Variants in CD28 observed in about 807,000 individuals in gnomAD.
The protein encoded by CD28 is T-cell-specific surface glycoprotein CD28.
In CD28, 8 loss-of-function variants were observed where a neutral mutation model predicts 21.4. The observed-to-expected ratio is 0.37, with a 90% CI of 0.22 to 0.68. The LOEUF is 0.68. CD28 is among the 30% of genes least tolerant of loss of function. The probability of loss-of-function intolerance (pLI) is 0.55; values close to 1 mark genes in which losing one functional copy is unlikely to be tolerated. For missense variants in CD28, 239 were observed against 272.2 expected (o/e 0.88, Z 0.86); for synonymous variants, 106 against 104.0 (o/e 1.02, Z -0.12).
At chr2:203,730,822 G>C (rs1463986474) in intron 3 of CD28, among the ~76,000 whole-genome samples, 2 of 152,158 alleles carry the variant, frequency 1.3e-5, no homozygotes, top group Non-Finnish European at 2.9e-5. Flanking sequence ...GGCATAATCT[G>C]TATATGTACC....
Position 203,735,707 on chromosome 2 carries a change from T to C in CD28, c.*795T>C, listed in dbSNP as rs1018921466. On this transcript the variant is annotated 3_prime_UTR_variant, in exon 4 of 4. Transcript: ENST00000324106. The stretch of plus-strand genomic sequence containing the variant: ...AATATGTCAGGAAATAAGGTCACTT[T>C]ATGTCAAAATTATTTGAGTACTATG... The C allele has an allele frequency of 6.6e-6, 1 of 152,238 alleles. No individual in the cohort carries two copies. Among genetic ancestry groups the C allele is most frequent in the Non-Finnish European group, 1.5e-5 (1 of 68,050 alleles). The allele number at this position is 152,238 out of a possible 1,614,324, so 9.4% of individuals were successfully genotyped here.
At position 203,735,515 on chromosome 2, in the gene CD28, A is replaced by G. The variant is rs1581521745; in HGVS notation, c.*603A>G. 6.5e-6 allele frequency: 1 copy of G among 152,702 alleles called. No individual in the cohort carries two copies. Among genetic ancestry groups the G allele is most frequent in the African/African-American group, 2.4e-5 (1 of 41,426 alleles). 9.5% of individuals were successfully genotyped at this position (152,702 alleles called of 1,614,324 possible). A position where few individuals can be genotyped will look rare whatever the true frequency, so the allele number is the denominator to read the frequency against. On this transcript the variant is annotated 3_prime_UTR_variant, in exon 4 of 4. Transcript: ENST00000324106. Reference sequence around the variant, plus strand: ...ACATTGTCTTTTATGAATTCTGATCATATTTAGTCATTTTGACCAAATGAG... The same window carrying G: ...ACATTGTCTTTTATGAATTCTGATCGTATTTAGTCATTTTGACCAAATGAG...
chr2:203,706,505 G>A, upstream of CD28: 3 of 1,527,048 alleles, frequency 2.0e-6, no homozygotes, highest in Non-Finnish European at 2.6e-6. Flanking sequence ...TATATCCTGT[G>A]TGAAATGCTG....
At chr2:203,725,046 T>TA (rs1486919214) in intron 1 of CD28, among the ~76,000 whole-genome samples, 2 of 152,044 alleles carry the variant, frequency 1.3e-5, no homozygotes, top group African/African-American at 4.8e-5. Flanking sequence ...ATCCCAGCAC[T>TA]TTGGGAGGCC....
In CD28 at chr2:203,734,871, C is replaced by T. The variant is rs200606770; in HGVS notation, c.622C>T (p.Pro208Ser). 6.2e-7 allele frequency: 1 copy of T among 1,614,222 alleles called. No individual in the cohort carries two copies. Among genetic ancestry groups the T allele is most frequent in the South Asian group, 1.1e-5 (1 of 91,086 alleles). ...RPGPTRKHYQ[P>S]YAPPRDFAAY... is the part of the protein sequence containing the mutation. ...CGGGCCCACCCGCAAGCATTACCAG[C>T]CCTATGCCCCACCACGCGACTTCGC... is the stretch of plus-strand genomic sequence containing the variant. The change falls in exon 4 of 4, where the codon CCC becomes TCC. Residue 208 changes from proline to serine, a missense_variant. Physicochemically the swap from Pro to Ser is moderately conservative, Grantham distance 74. Around this residue, in one of 3 missense-constraint regions of CD28, gnomAD observed 112 missense variants for 112.8 expected, o/e 0.99. Transcript: ENST00000324106.
At position 203,729,780 on chromosome 2, in the gene CD28, A is replaced by G. The variant is rs1249753059; in HGVS notation, c.534+8A>G. 1 of 1,611,884 alleles carries G rather than the reference A, an allele frequency of 6.2e-7. No homozygotes were observed. Among genetic ancestry groups the G allele is most frequent in the Non-Finnish European group, 8.5e-7 (1 of 1,179,272 alleles). On this transcript the variant is annotated splice_region_variant and intron_variant, in intron 3 of 3. Coordinates refer to ENST00000324106, the MANE Select transcript of CD28 (RefSeq NM_006139.4). ...GCCTTTATTATTTTCTGGGTAAGAG[A>G]AGCAGCACTGCTTTTATGTAACTTT...
At chr2:203,722,733 G>A (rs1014169688) in intron 1 of CD28, among the ~76,000 whole-genome samples, 1 of 152,230 alleles carries the variant, frequency 6.6e-6, no homozygotes, top group African/African-American at 2.4e-5. Flanking sequence ...TCAAGTGAGC[G>A]ATACAGATAG....
chr2:203,722,272 A>G (rs550283321), intron 1 of CD28, among the ~76,000 whole-genome samples: 5 of 152,310 alleles, frequency 3.3e-5, no homozygotes, highest in African/African-American at 7.2e-5. Context: ...TGCTCTTCCA[A>G]TTAGAACTGA....
Position 203,734,966 on chromosome 2 carries a change from C to A in CD28, c.*54C>A. On this transcript the variant is annotated 3_prime_UTR_variant, in exon 4 of 4. Coordinates refer to ENST00000324106, the MANE Select transcript of CD28 (RefSeq NM_006139.4). ...CTGGCAGCCCCCATCTGCTCAATAT[C>A]ACTGCTCTGGATAGGAAATGACCGC... 6.3e-7 allele frequency: 1 copy of A among 1,595,942 alleles called. No individual in the cohort carries two copies. Among genetic ancestry groups the A allele is most frequent in the Admixed American group, 1.7e-5 (1 of 58,492 alleles).
chr2:203,726,587 T>C (rs1371519600), intron 1 of CD28, 46 bp from the exon 2 acceptor site: 3 of 1,409,344 alleles, frequency 2.1e-6, no homozygotes, highest in East Asian at 2.3e-5. Flanking sequence ...GAAGAAAAAT[T>C]ATCCTTATAT....
chr2:203,712,885 C>A (rs1359838740), intron 1 of CD28, among the ~76,000 whole-genome samples: 1 of 152,168 alleles, frequency 6.6e-6, no homozygotes, highest in Non-Finnish European at 1.5e-5. Flanking sequence ...TGTATTAAGT[C>A]ATCTAATCTC....
rs201547332 is a variant in CD28, at chr2:203,734,848, G to T, written c.599G>T (p.Gly200Val). 5.6e-6 allele frequency: 9 copies of T among 1,614,026 alleles called. No individual in the cohort carries two copies. The highest frequency in any genetic ancestry group is 7.6e-6 in the Non-Finnish European group (9 of 1,180,036). The stretch of plus-strand genomic sequence containing the variant: ...ATGAACATGACTCCCCGCCGCCCCG[G>T]GCCCACCCGCAAGCATTACCAGCCC... The part of the protein sequence containing the change: ...DYMNMTPRRP[G>V]PTRKHYQPYA... Residue 200 changes from glycine to valine, a missense_variant, in exon 4 of 4, where the codon GGG (glycine) becomes GTG (valine). By Grantham distance (109) the Gly-to-Val change is moderately radical (BLOSUM62 -3). Transcript: ENST00000324106.
At position 203,734,858 on chromosome 2, in the gene CD28, C is replaced by T; in HGVS notation, c.609C>T (p.Arg203=). The stretch of plus-strand genomic sequence containing the variant: ...CTCCCCGCCGCCCCGGGCCCACCCG[C>T]AAGCATTACCAGCCCTATGCCCCAC... ...NMTPRRPGPT[R]KHYQPYAPPR... Residue 203 remains arginine (R), a synonymous_variant, in exon 4 of 4, where the codon CGC becomes CGT. Coordinates refer to ENST00000324106, the MANE Select transcript of CD28 (RefSeq NM_006139.4). 6.2e-7 allele frequency: 1 copy of T among 1,614,240 alleles called. No homozygotes were observed. The highest frequency in any genetic ancestry group is 8.5e-7 in the Non-Finnish European group (1 of 1,180,040).
At chr2:203,714,389 C>T (rs1693408132) in intron 1 of CD28, among the ~76,000 whole-genome samples, 1 of 152,056 alleles carries the variant, frequency 6.6e-6, no homozygotes, top group Non-Finnish European at 1.5e-5. Context: ...GGGCGGGACT[C>T]TAGTTTCCAG....
chr2:203,728,147 G>A (rs1225216653), intron 2 of CD28, among the ~76,000 whole-genome samples: 1 of 152,188 alleles, frequency 6.6e-6, no homozygotes, highest in Non-Finnish European at 1.5e-5. Flanking sequence ...AAAGAATGCT[G>A]GACTAGAAAC....
Position 203,734,998 on chromosome 2 carries a change from C to T in CD28, c.*86C>T. 1.3e-6 allele frequency: 2 copies of T among 1,520,834 alleles called. No homozygotes were observed. Among genetic ancestry groups the T allele is most frequent in the Non-Finnish European group, 8.9e-7 (1 of 1,127,430 alleles). 94.2% of individuals were successfully genotyped at this position (1,520,834 alleles called of 1,614,324 possible). A position where few individuals can be genotyped will look rare whatever the true frequency, so the allele number is the denominator to read the frequency against. Reference sequence around the variant, plus strand: ...CTGGATAGGAAATGACCGCCATCTCCAGCCGGCCACCTCAGGCCCCTGTTG... The same window carrying T: ...CTGGATAGGAAATGACCGCCATCTCTAGCCGGCCACCTCAGGCCCCTGTTG... On this transcript the variant is annotated 3_prime_UTR_variant, in exon 4 of 4. Transcript: ENST00000324106.
intron 1 of CD28, among the ~76,000 whole-genome samples, chr2:203,718,290 G>T (rs182715230): frequency 4.3e-4 from 66 of 152,284 alleles, no homozygotes; most frequent in African/African-American, 1.5e-3. Context: ...AGCCTGAAAA[G>T]GAGCCAGTGG....
rs767283976 is a variant in CD28, at chr2:203,715,187, G to T, written c.52+8439G>T. On this transcript the variant is annotated intron_variant, in intron 1 of 3. Coordinates refer to ENST00000324106, the MANE Select transcript of CD28 (RefSeq NM_006139.4). ...ATATTTAGAAAATAATAAATTAATA[G>T]AGGAGGTCTCTTTATACCTGTGGGT... 5.3e-5 allele frequency among the ~76,000 whole-genome samples: 8 copies of T among 152,064 alleles called. 1 individual carries two copies. Among genetic ancestry groups the T allele is most frequent in the Non-Finnish European group, 8.8e-5 (6 of 68,010 alleles).
intron 3 of CD28, among the ~76,000 whole-genome samples, chr2:203,730,406 T>G (rs1033746883): frequency 2.6e-5 from 4 of 152,232 alleles, no homozygotes; most frequent in African/African-American, 9.6e-5. Context: ...GTGGTGTATT[T>G]TTCTTTACCT....
Sources: gnomAD v4.1 joint callset for allele counts (sites outside exome capture counted in the v4.1 genomes callset) on GRCh38, gnomAD v4.1.1 for gene constraint, gnomAD v4.1.1 regional missense constraint, MANE v1.5 for transcripts, NCBI Gene and HGNC (gene_info 2026-07-23, HGNC 2026-07-21) for gene names.